Variants in WDR59 observed in about 807,000 individuals in gnomAD.
WDR59 encodes the protein WD repeat domain 59, also known as GATOR2 complex protein WDR59.
WDR59 carries 100 observed loss-of-function variants against 131.2 expected under a neutral mutation model. The ratio of observed to expected loss-of-function variants is 0.76; its 90% CI spans 0.65 to 0.90. WDR59 has a LOEUF of 0.90. Among genes scored for constraint, WDR59 ranks in the 40% least tolerant of loss-of-function variants. The pLI is 0.00. For synonymous variants in WDR59, 601 were observed against 466.2 expected, an observed-to-expected ratio of 1.29 and a Z score of -3.72; for missense variants, 1,203 against 1,262.2, an observed-to-expected ratio of 0.95 and a Z score of 0.71.
chr16:74,916,327 G>A (rs2144968995), intron 11 of WDR59, 68 bp from the exon 12 acceptor site: 3 of 1,599,066 alleles, frequency 1.9e-6, no homozygotes, highest in Non-Finnish European at 2.6e-6. Context: ...TCTGATTAAA[G>A]AGTTCTGACT....
At position 74,922,032 on chromosome 16, in the gene WDR59, AT is replaced by A; in HGVS notation, c.800del (p.Asn267MetfsTer5). On this transcript the variant is annotated frameshift_variant, in exon 10 of 26. Transcript: ENST00000262144. LOFTEE classifies it high-confidence loss of function. ...LRRENSLLLW[N>X]VFDLNTPVHT... ...GGACTGGGGTGTTCAAGTCAAAGAC[AT>A]TCCACAGGAGAAGGCTGTTTTCCCT... 2 of 1,614,226 alleles carry A rather than the reference AT, an allele frequency of 1.2e-6. No homozygotes were observed. The highest frequency in any genetic ancestry group is 1.7e-6 in the Non-Finnish European group (2 of 1,180,040).
chr16:74,916,719 C>T (rs375750524), intron 11 of WDR59, among the ~76,000 whole-genome samples: 1 of 152,112 alleles, frequency 6.6e-6, no homozygotes, highest in East Asian at 1.9e-4. Context: ...ACTAGCCAGG[C>T]ATGGTGGCGG....
At chr16:74,877,509 T>C (rs1285775085) in intron 25 of WDR59, among the ~76,000 whole-genome samples, 6 of 152,188 alleles carry the variant, frequency 3.9e-5, no homozygotes, top group African/African-American at 1.4e-4. Context: ...GGGTTCTTAA[T>C]TATTTACTGC....
Position 74,962,645 on chromosome 16 carries a change from A to T in WDR59, c.104+3128T>A, listed in dbSNP as rs1432962859. Among the ~76,000 whole-genome samples, 4 of 152,054 alleles carry T rather than the reference A, an allele frequency of 2.6e-5. No homozygotes were observed. In the East Asian group the frequency reaches 7.7e-4, roughly 29 times the overall value. ...TTTGCACATTGATTTTGTATCCTGAAATTTTGCTAAAGTTGCTTATCAGCT... is the reference window on the plus strand; with the variant it reads ...TTTGCACATTGATTTTGTATCCTGATATTTTGCTAAAGTTGCTTATCAGCT... On this transcript the variant is annotated intron_variant, in intron 2 of 25. Transcript: ENST00000262144.
chr16:74,885,645 A>C lies in WDR59; in HGVS notation c.2689+8T>G, dbSNP rs1288691458. 4 of 1,613,300 alleles carry C rather than the reference A, an allele frequency of 2.5e-6. No homozygotes were observed. The highest frequency in any genetic ancestry group is 3.4e-6 in the Non-Finnish European group (4 of 1,179,770). On this transcript the variant is annotated splice_region_variant and intron_variant, in intron 25 of 25. Coordinates refer to ENST00000262144, the MANE Select transcript of WDR59 (RefSeq NM_030581.4). The stretch of plus-strand genomic sequence containing the variant: ...CAGTGAAAGGAAGAGAGAGAAATTC[A>C]TACTCACCGATCCCTTTGTGAGGGT...
intron 1 of WDR59, among the ~76,000 whole-genome samples, chr16:74,983,926 C>T (rs1017524954): frequency 2.6e-5 from 4 of 151,996 alleles, no homozygotes; most frequent in African/African-American, 9.7e-5. Context: ...CTGAACTGAG[C>T]GGTGATTCAC....
chr16:74,903,883 G>A lies in WDR59; in HGVS notation c.1866+64C>T. 3.9e-6 allele frequency: 6 copies of A among 1,541,334 alleles called. No homozygotes were observed. In the African/African-American group the frequency reaches 4.1e-5, roughly 11 times the overall value. ...ACTAATCTAGCTGCTGCGCCAGGCA[G>A]GAGATGAGGAACAAGAATCCAGGAG... On this transcript the variant is annotated intron_variant, in intron 18 of 25. Transcript: ENST00000262144.
At position 74,874,275 on chromosome 16, in the gene WDR59, C is replaced by T; in HGVS notation, c.2859G>A (p.Trp953Ter). 1 of 1,614,206 alleles carries T rather than the reference C, an allele frequency of 6.2e-7. No individual in the cohort carries two copies. The highest frequency in any genetic ancestry group is 8.5e-7 in the Non-Finnish European group (1 of 1,180,040). ...HGGHTSHMME[W>*]FRTQEVCPTG... ...TGGGACACACCTCCTGGGTCCGAAA[C>T]CACTCCATCATGTGGCTGGTGTGGC... Residue 953 changes from tryptophan to a stop codon, truncating the protein, a stop_gained, in exon 26 of 26, where the codon TGG becomes TGA. Transcript: ENST00000262144. LOFTEE classifies it high-confidence loss of function.
At chr16:74,899,176 G>A (rs1007137112) in intron 18 of WDR59, among the ~76,000 whole-genome samples, 4 of 152,076 alleles carry the variant, frequency 2.6e-5, no homozygotes, top group African/African-American at 9.7e-5. Flanking sequence ...ACAAAATATT[G>A]ATGGTAAGGA....
Position 74,908,944 on chromosome 16 carries a change from A to G in WDR59, c.1676T>C (p.Met559Thr). The G allele has an allele frequency of 1.2e-6, 2 of 1,614,148 alleles. No homozygotes were observed. The highest frequency in any genetic ancestry group is 1.1e-5 in the South Asian group (1 of 91,076). ...YLVYFTRPMT[M>T]HRAVSPTEPT... The stretch of plus-strand genomic sequence containing the variant: ...CTCTGTGGGAGACACCGCCCGATGC[A>G]TTGTCATGGGCCTTGTGAAATATAC... The change falls in exon 17 of 26, where the codon ATG becomes ACG. Residue 559 changes from methionine to threonine, a missense_variant. Transcript: ENST00000262144.
intron 17 of WDR59, among the ~76,000 whole-genome samples, chr16:74,905,104 G>A (rs1048279911): frequency 1.9e-4 from 29 of 152,244 alleles, no homozygotes; most frequent in African/African-American, 6.0e-4. Context: ...GGCCAGGTGC[G>A]GTGGCTCACG....
At chr16:74,942,865 G>A in intron 6 of WDR59, 39 bp from the exon 7 acceptor site, 2 of 1,591,276 alleles carry the variant, frequency 1.3e-6, no homozygotes, top group Non-Finnish European at 1.7e-6. Context: ...GCTGCCCTTG[G>A]TGCTTTCGGA....
chr16:74,970,319 C>T (rs1567441602), intron 1 of WDR59, among the ~76,000 whole-genome samples: 1 of 151,778 alleles, frequency 6.6e-6, no homozygotes, highest in African/African-American at 2.4e-5. Context: ...TAAAGGCAGG[C>T]AATGTGATAC....
intron 2 of WDR59, among the ~76,000 whole-genome samples, chr16:74,963,943 A>G (rs2033665018): frequency 6.6e-6 from 1 of 151,612 alleles, no homozygotes; most frequent in Non-Finnish European, 1.5e-5. Flanking sequence ...GAGAGAGAGA[A>G]TATGAAATGA....
intron 10 of WDR59, among the ~76,000 whole-genome samples, chr16:74,919,383 T>A (rs891831768): frequency 2.6e-5 from 4 of 151,844 alleles, no homozygotes; most frequent in Non-Finnish European, 4.4e-5. Flanking sequence ...CAAGCTGGAG[T>A]GCAGTGATGC....
intron 1 of WDR59, among the ~76,000 whole-genome samples, chr16:74,977,106 C>T (rs2034216737): frequency 6.6e-6 from 1 of 151,932 alleles, no homozygotes; most frequent in Non-Finnish European, 1.5e-5. Flanking sequence ...AGTGGTAACT[C>T]ACAAATACAG....
chr16:74,984,897 A>C (rs1158160527), intron 1 of WDR59, 67 bp downstream of exon 1: 2 of 1,570,862 alleles, frequency 1.3e-6, no homozygotes, highest in Non-Finnish European at 1.7e-6. Context: ...GGACGGAAGC[A>C]GCCGCGTGGG....
At chr16:74,976,503 C>T (rs1046486243) in intron 1 of WDR59, among the ~76,000 whole-genome samples, 18 of 150,108 alleles carry the variant, frequency 1.2e-4, no homozygotes, top group Middle Eastern at 3.4e-3. Context: ...AGTCCAAGGG[C>T]GCAATCTTGG....
At chr16:74,882,829 AAAAG>A (rs1357822440) in intron 25 of WDR59, among the ~76,000 whole-genome samples, 8 of 135,480 alleles carry the variant, frequency 5.9e-5, no homozygotes, top group African/African-American at 1.1e-4. Context: ...AAAAAAAAAA[AAAAG>A]AAAGAAAGAA....
Sources: gnomAD v4.1 joint callset for allele counts (sites outside exome capture counted in the v4.1 genomes callset) on GRCh38, gnomAD v4.1.1 for gene constraint, MANE v1.5 for transcripts, NCBI Gene and HGNC (gene_info 2026-07-23, HGNC 2026-07-21) for gene names.